The following DAPK2 variants were observed in gnomAD, a reference collection of about 807,000 sequenced individuals.
The protein encoded by DAPK2 is death associated protein kinase 2.
DAPK2 carries 35 observed loss-of-function variants against 44.1 expected under a neutral mutation model. That is an observed-to-expected ratio of 0.79 (90% CI 0.61 to 1.05). DAPK2 has a LOEUF of 1.05. Ranked by LOEUF, DAPK2 falls within the 50% of genes least tolerant of loss-of-function variation. DAPK2 has a pLI of 0.00. For synonymous variants in DAPK2, 174 were observed against 182.6 expected (o/e 0.95, Z 0.38); for missense variants, 453 against 483.2 (o/e 0.94, Z 0.59).
chr15:64,004,722 G>A (rs527382987), intron 1 of DAPK2, among the ~76,000 whole-genome samples: 7 of 152,208 alleles, frequency 4.6e-5, no homozygotes, highest in African/African-American at 1.4e-4. Context: ...GCGGGCTTTC[G>A]CACAGGCTCC....
intron 1 of DAPK2, among the ~76,000 whole-genome samples, chr15:64,032,746 T>A (rs1159371563): frequency 6.7e-6 from 1 of 149,410 alleles, no homozygotes; most frequent in Non-Finnish European, 1.5e-5. Flanking sequence ...AACCCAGGAG[T>A]TCAAGACCAG....
intron 2 of DAPK2, 55 bp from the exon 4 acceptor site, chr15:63,971,616 C>A: frequency 6.3e-7 from 1 of 1,592,390 alleles, no homozygotes; most frequent in Non-Finnish European, 8.6e-7. Flanking sequence ...CTCTGCATGT[C>A]ATGAGGCTGG....
intron 1 of DAPK2, among the ~76,000 whole-genome samples, chr15:63,985,778 TGTTGAC>T (rs2078652860): frequency 6.6e-6 from 1 of 152,246 alleles, no homozygotes; most frequent in Admixed American, 6.5e-5. Context: ...TTTCAGGCCA[TGTTGAC>T]GTTGTTTCCC....
At chr15:64,036,333 A>ATGTATATATG (rs1453611219) in intron 1 of DAPK2, among the ~76,000 whole-genome samples, 1 of 122,460 alleles carries the variant, frequency 8.2e-6, no homozygotes, top group Non-Finnish European at 1.7e-5. Flanking sequence ...ATATATATAT[A>ATGTATATATG]TATACATATA....
At chr15:63,957,404 C>T (rs188974776) in intron 3 of DAPK2, among the ~76,000 whole-genome samples, 10 of 151,962 alleles carry the variant, frequency 6.6e-5, no homozygotes, top group African/African-American at 9.7e-5. Context: ...ATGGGCACAA[C>T]GCGCAGGTTT....
At chr15:63,930,329 A>T (rs564205025) in intron 5 of DAPK2, 78 bp downstream of exon 6, 1 of 1,356,314 alleles carries the variant, frequency 7.4e-7, no homozygotes, top group Non-Finnish European at 1.1e-6. Context: ...GGTTAAGCGG[A>T]TGTCACCTGG....
At chr15:63,938,254 T>C (rs1327780608) in intron 4 of DAPK2, among the ~76,000 whole-genome samples, 3 of 152,226 alleles carry the variant, frequency 2.0e-5, no homozygotes, top group Admixed American at 2.0e-4. Flanking sequence ...TCAGCTCCAC[T>C]GCCTACTGGT....
intron 1 of DAPK2, among the ~76,000 whole-genome samples, chr15:64,028,444 T>G (rs2079915776): frequency 6.6e-6 from 1 of 152,174 alleles, no homozygotes; most frequent in South Asian, 2.1e-4. Context: ...TAAAGGAGAC[T>G]GGAGAGACAT....
intron 1 of DAPK2, among the ~76,000 whole-genome samples, chr15:64,022,171 T>A (rs1294396968): frequency 6.6e-6 from 1 of 152,184 alleles, no homozygotes; most frequent in Non-Finnish European, 1.5e-5. Flanking sequence ...CTGGTTAGTA[T>A]CAACAAGGGA....
intron 1 of DAPK2, among the ~76,000 whole-genome samples, chr15:63,989,717 A>G (rs564541519): frequency 2.0e-5 from 3 of 152,284 alleles, no homozygotes; most frequent in Admixed American, 2.0e-4. Context: ...GCACATACAT[A>G]GTCTCGCTCT....
intron 3 of DAPK2, among the ~76,000 whole-genome samples, chr15:63,945,949 A>T (rs2077439003): frequency 1.3e-5 from 2 of 152,248 alleles, no homozygotes; most frequent in African/African-American, 4.8e-5. Context: ...CCTCTGGGGC[A>T]GTCCGATTCT....
chr15:64,015,522 T>C (rs1373636451), intron 1 of DAPK2, among the ~76,000 whole-genome samples: 1 of 152,200 alleles, frequency 6.6e-6, no homozygotes, highest in African/African-American at 2.4e-5. Context: ...GTGGGTTGAA[T>C]AGTGGCTCCC....
At chr15:63,910,464 C>G (rs1320662056) in intron 10 of DAPK2, among the ~76,000 whole-genome samples, 1 of 152,218 alleles carries the variant, frequency 6.6e-6, no homozygotes, top group Non-Finnish European at 1.5e-5. Flanking sequence ...GCTCCATAAG[C>G]GGGGGGAGGG....
intron 2 of DAPK2, among the ~76,000 whole-genome samples, chr15:63,975,401 A>G (rs1432390183): frequency 6.6e-6 from 1 of 152,142 alleles, no homozygotes; most frequent in Non-Finnish European, 1.5e-5. Context: ...CCTTATGCAC[A>G]TTATCTCATT....
At chr15:63,933,546 G>T (rs773877050) in intron 4 of DAPK2, among the ~76,000 whole-genome samples, 1 of 146,440 alleles carries the variant, frequency 6.8e-6, no homozygotes, top group Non-Finnish European at 1.5e-5. Context: ...CCTGGCCTAA[G>T]AATTTATTTT....
At chr15:63,935,726 T>C (rs1363092467) in intron 4 of DAPK2, 1 of 152,238 alleles carries the variant, frequency 6.6e-6, no homozygotes, top group Non-Finnish European at 1.5e-5. Context: ...TTTCTTTTTG[T>C]ATCTATTTCC....
chr15:63,910,098 A>T (rs1214756606), intron 10 of DAPK2, among the ~76,000 whole-genome samples: 1 of 152,256 alleles, frequency 6.6e-6, no homozygotes, highest in African/African-American at 2.4e-5. Context: ...TAAAAAAATA[A>T]GCTGGGTAAA....
intron 1 of DAPK2, among the ~76,000 whole-genome samples, chr15:63,988,199 A>G (rs1269566025): frequency 6.6e-6 from 1 of 152,158 alleles, no homozygotes; most frequent in East Asian, 1.9e-4. Flanking sequence ...GGGCTGTGTC[A>G]AGATCAGTGT....
chr15:63,967,635 G>T (rs2140702947), intron 3 of DAPK2, among the ~76,000 whole-genome samples: 1 of 152,246 alleles, frequency 6.6e-6, no homozygotes, highest in South Asian at 2.1e-4. Context: ...AGGCTGCAGG[G>T]AGCCGAGATT....
Sources: allele counts gnomAD v4.1 joint callset (sites outside exome capture counted in the v4.1 genomes callset), GRCh38; gene constraint gnomAD v4.1.1; transcripts MANE v1.5; gene names NCBI Gene and HGNC (gene_info 2026-07-23, HGNC 2026-07-21).